The following LYPLA1 variants were observed in gnomAD, a reference collection of about 807,000 sequenced individuals.
LYPLA1 encodes acyl-protein thioesterase 1.
LYPLA1 carries 17 observed loss-of-function variants against 34.0 expected under a neutral mutation model. That is an observed-to-expected ratio of 0.50 (90% confidence interval 0.34 to 0.75). The LOEUF (loss-of-function observed/expected upper bound fraction) is 0.75. LYPLA1 is among the 30% of genes least tolerant of loss of function. LYPLA1 has a pLI of 0.01. For synonymous variants in LYPLA1, 98 were observed against 100.8 expected (o/e 0.97, Z 0.17); for missense variants, 203 against 288.8 (o/e 0.70, Z 2.15).
intron 8 of LYPLA1, 148 bp from the exon 9 acceptor site, chr8:54,048,266 G>A (rs1805609175): frequency 1.7e-6 from 1 of 598,968 alleles, no homozygotes; most frequent in Non-Finnish European, 3.0e-6. Context: ...GAGAAATGAG[G>A]CTCCAACAGA....
chr8:54,068,822 T>C (rs576849374), intron 2 of LYPLA1, among the ~76,000 whole-genome samples: 20 of 152,074 alleles, frequency 1.3e-4, no homozygotes, highest in Non-Finnish European at 8.8e-5. Context: ...AATAGATAAA[T>C]TAGAAATCAT....
At chr8:54,087,716 T>C (rs920985407) in intron 2 of LYPLA1, among the ~76,000 whole-genome samples, 4 of 152,212 alleles carry the variant, frequency 2.6e-5, no homozygotes, top group African/African-American at 9.7e-5. Context: ...TCTGAACAGA[T>C]ATTTCTCCAA....
intron 1 of LYPLA1, among the ~76,000 whole-genome samples, 159 bp from the exon 2 acceptor site, chr8:54,101,098 G>A (rs1810101331): frequency 6.7e-6 from 1 of 149,544 alleles, no homozygotes; most frequent in South Asian, 2.2e-4. Context: ...TCTTTTAAAT[G>A]GCAAAAATTC....
chr8:54,084,141 A>AAAAAAAAAT (rs1554547936), intron 2 of LYPLA1, among the ~76,000 whole-genome samples: 3 of 118,676 alleles, frequency 2.5e-5, no homozygotes, highest in African/African-American at 1.4e-4. Context: ...AAAATAAATA[A>AAAAAAAAAT]ATATATATAT....
At chr8:54,084,730 A>G (rs1808577140) in intron 2 of LYPLA1, among the ~76,000 whole-genome samples, 1 of 152,234 alleles carries the variant, frequency 6.6e-6, no homozygotes, top group Non-Finnish European at 1.5e-5. Flanking sequence ...CTAACTTGAC[A>G]CATAGAAAAG....
chr8:54,061,212 C>T (rs1806606380), intron 5 of LYPLA1, among the ~76,000 whole-genome samples: 1 of 151,958 alleles, frequency 6.6e-6, no homozygotes, highest in Non-Finnish European at 1.5e-5. Flanking sequence ...TCCCAAGTAG[C>T]TGGAATTACA....
chr8:54,062,664 A>G (rs1472924292), intron 4 of LYPLA1, among the ~76,000 whole-genome samples: 1 of 152,056 alleles, frequency 6.6e-6, no homozygotes, highest in Non-Finnish European at 1.5e-5. Flanking sequence ...GGTGCATGCC[A>G]CCACACCCGG....
chr8:54,070,648 GGGA>G (rs1807392365), intron 2 of LYPLA1, among the ~76,000 whole-genome samples: 1 of 152,116 alleles, frequency 6.6e-6, no homozygotes, highest in Non-Finnish European at 1.5e-5. Flanking sequence ...ACTCAAACCC[GGGA>G]GGAGGAGGTT....
intron 2 of LYPLA1, among the ~76,000 whole-genome samples, chr8:54,083,095 A>T (rs1808437455): frequency 6.6e-6 from 1 of 152,218 alleles, no homozygotes. Flanking sequence ...TCTTTAAAAC[A>T]TTAATGTCAC....
intron 2 of LYPLA1, among the ~76,000 whole-genome samples, chr8:54,074,866 TC>T (rs1425524627): frequency 6.6e-6 from 1 of 152,218 alleles, no homozygotes; most frequent in African/African-American, 2.4e-5. Flanking sequence ...TACATGCCAA[TC>T]AGGAGAGTCT....
At chr8:54,055,582 C>A (rs1342935141) in intron 5 of LYPLA1, among the ~76,000 whole-genome samples, 1 of 151,822 alleles carries the variant, frequency 6.6e-6, no homozygotes, top group African/African-American at 2.4e-5. Context: ...TCTACAGATT[C>A]AATGCAATCT....
At chr8:54,058,729 C>A (rs1806384395) in intron 5 of LYPLA1, among the ~76,000 whole-genome samples, 1 of 151,884 alleles carries the variant, frequency 6.6e-6, no homozygotes, top group South Asian at 2.1e-4. Flanking sequence ...CAGACATGCG[C>A]CACCACGCCC....
chr8:54,070,993 T>C (rs907834874), intron 2 of LYPLA1, among the ~76,000 whole-genome samples: 4 of 152,078 alleles, frequency 2.6e-5, no homozygotes, highest in Admixed American at 2.6e-4. Context: ...AATGAGTGAA[T>C]TGTGTGGTAT....
chr8:54,053,803 C>CT (rs979354549), intron 6 of LYPLA1: 10 of 448,210 alleles, frequency 2.2e-5, no homozygotes, highest in African/African-American at 2.0e-4. Context: ...GGCCCAACTG[C>CT]TTTTCAATTT....
At chr8:54,071,474 C>T (rs537533914) in intron 2 of LYPLA1, among the ~76,000 whole-genome samples, 1 of 152,118 alleles carries the variant, frequency 6.6e-6, no homozygotes, top group South Asian at 2.1e-4. Context: ...TATATACGTA[C>T]ATATATATAC....
intron 7 of LYPLA1, 78 bp downstream of exon 7, chr8:54,052,577 A>C: frequency 1.1e-6 from 1 of 879,476 alleles, no homozygotes; most frequent in Admixed American, 2.5e-5. Context: ...AAAAAAAATA[A>C]GATGACTTTA....
At chr8:54,097,776 GT>G (rs1002332767) in intron 2 of LYPLA1, among the ~76,000 whole-genome samples, 3 of 152,158 alleles carry the variant, frequency 2.0e-5, no homozygotes, top group Non-Finnish European at 4.4e-5. Flanking sequence ...TATATACTAT[GT>G]TTTTTCCTAT....
intron 6 of LYPLA1, among the ~76,000 whole-genome samples, chr8:54,053,863 T>G (rs958859984): frequency 6.6e-6 from 1 of 152,254 alleles, no homozygotes; most frequent in Non-Finnish European, 1.5e-5. Context: ...GTTTCCTTGA[T>G]AGGATGCCAC....
downstream of LYPLA1, among the ~76,000 whole-genome samples, chr8:54,043,556 G>A (rs1296496884): frequency 6.6e-6 from 1 of 151,660 alleles, no homozygotes; most frequent in Non-Finnish European, 1.5e-5. Context: ...AAACAGGCAT[G>A]AACCACCGCA....
Sources: allele counts gnomAD v4.1 joint callset (sites outside exome capture counted in the v4.1 genomes callset), GRCh38; gene constraint gnomAD v4.1.1; transcripts MANE v1.5; gene names NCBI Gene and HGNC (gene_info 2026-07-23, HGNC 2026-07-21).